The following SDK1 variants were observed in gnomAD, a reference collection of about 807,000 sequenced individuals.
The protein encoded by SDK1 is sidekick cell adhesion molecule 1.
Under a neutral mutation model 245.5 loss-of-function variants are expected in SDK1, and 157 were observed. That is an observed-to-expected ratio of 0.64 (90% CI 0.56 to 0.73). The LOEUF (loss-of-function observed/expected upper bound fraction) is 0.73, where lower values mean the gene tolerates loss of function less well. Ranked by LOEUF, SDK1 falls within the 30% of genes least tolerant of loss-of-function variation. The probability of loss-of-function intolerance (pLI) is 0.00; values close to 1 mark genes in which losing one functional copy is unlikely to be tolerated. For synonymous variants in SDK1, 1,647 were observed against 1,278.5 expected (o/e 1.29, Z -6.15); for missense variants, 3,583 against 3,002.3 (o/e 1.19, Z -4.52).
intron 1 of SDK1, among the ~76,000 whole-genome samples, chr7:3,522,836 G>A (rs998571537): frequency 2.0e-5 from 3 of 152,128 alleles, no homozygotes; most frequent in African/African-American, 4.8e-5. Context: ...GATGGGGGGT[G>A]AGGTTCGCTA....
intron 44 of SDK1, among the ~76,000 whole-genome samples, chr7:4,262,018 C>CTTTTTTTTTTTTTTTTTT: frequency 1.7e-5 from 1 of 59,252 alleles, no homozygotes; most frequent in Non-Finnish European, 2.9e-5. Flanking sequence ...CTGCTTTCTC[C>CTTTTTTTTTTTTTTTTTT]TTTTTTTTTT....
chr7:3,807,720 A>C (rs746147672), intron 4 of SDK1, among the ~76,000 whole-genome samples: 3 of 152,142 alleles, frequency 2.0e-5, no homozygotes, highest in Non-Finnish European at 4.4e-5. Context: ...GACAACCATT[A>C]AAGGACTTGA....
At chr7:3,529,350 T>C (rs1185244661) in intron 1 of SDK1, among the ~76,000 whole-genome samples, 1 of 152,180 alleles carries the variant, frequency 6.6e-6, no homozygotes, top group African/African-American at 2.4e-5. Context: ...GAAGGAATAG[T>C]TAATTCCAGG....
At chr7:3,676,617 G>A (rs1190813392) in intron 4 of SDK1, among the ~76,000 whole-genome samples, 3 of 152,162 alleles carry the variant, frequency 2.0e-5, no homozygotes, top group East Asian at 1.9e-4. Context: ...GAGCCACCAC[G>A]CCTTGCCCTC....
chr7:4,228,341 CA>C (rs1785558434), intron 40 of SDK1, among the ~76,000 whole-genome samples: 1 of 152,290 alleles, frequency 6.6e-6, no homozygotes, highest in Admixed American at 6.5e-5. Context: ...GATTTGCAGT[CA>C]CATCACCATG....
At chr7:3,674,735 G>T (rs1250938812) in intron 4 of SDK1, among the ~76,000 whole-genome samples, 2 of 152,108 alleles carry the variant, frequency 1.3e-5, no homozygotes, top group Non-Finnish European at 2.9e-5. Context: ...CAATTTTCAT[G>T]GTGTGAATAC....
At chr7:4,155,927 CAG>C (rs781193723) in intron 30 of SDK1, among the ~76,000 whole-genome samples, 8 of 152,164 alleles carry the variant, frequency 5.3e-5, no homozygotes, top group Non-Finnish European at 1.2e-4. Flanking sequence ...AGGGAAGGAA[CAG>C]GGCACGGGGG....
At chr7:3,548,147 G>A (rs1779288330) in intron 1 of SDK1, among the ~76,000 whole-genome samples, 1 of 152,176 alleles carries the variant, frequency 6.6e-6, no homozygotes, top group Non-Finnish European at 1.5e-5. Flanking sequence ...TTGTTGAAAT[G>A]CATCAGTTGA....
At position 3,550,489 on chromosome 7, in the gene SDK1, G is replaced by C. The variant is rs565601459; in HGVS notation, c.299-68591G>C. Among the ~76,000 whole-genome samples the C allele has an allele frequency of 1.6e-4, 25 of 152,236 alleles. 2 individuals are homozygous for C. The South Asian group carries it at 5.2e-3, about 32-fold the overall frequency. Reference sequence around the variant, plus strand: ...TCCCCTTTACCTTCAGCTCTTCTGGGCCACTGCTGGGTGCTCATTGCTGCT... The same window carrying C: ...TCCCCTTTACCTTCAGCTCTTCTGGCCCACTGCTGGGTGCTCATTGCTGCT... On this transcript the variant is annotated intron_variant, in intron 1 of 44. Transcript: ENST00000404826.
At chr7:3,908,343 G>T (rs796253227) in intron 5 of SDK1, among the ~76,000 whole-genome samples, 1 of 152,246 alleles carries the variant, frequency 6.6e-6, no homozygotes, top group Admixed American at 6.5e-5. Flanking sequence ...TGGGAATGAC[G>T]CCAGATCCAG....
At position 4,267,927 on chromosome 7, in the gene SDK1, A is replaced by G. The variant is rs1583213332; in HGVS notation, c.*2543A>G. 3.0e-6 allele frequency: 3 copies of G among 985,558 alleles called. No homozygotes were observed. The highest frequency in any genetic ancestry group is 1.7e-5 in the African/African-American group (1 of 57,374). 61.1% of individuals were successfully genotyped at this position (985,558 alleles called of 1,614,324 possible). A position where few individuals can be genotyped will look rare whatever the true frequency, so the allele number is the denominator to read the frequency against. On this transcript the variant is annotated 3_prime_UTR_variant, in exon 45 of 45. Transcript: ENST00000404826. Reference sequence around the variant, plus strand: ...CAAAGGAACAGAGCTGGATGTTTCCAGGTAGATTTTGGCCTCCCAGAGCAA... The same window carrying G: ...CAAAGGAACAGAGCTGGATGTTTCCGGGTAGATTTTGGCCTCCCAGAGCAA...
chr7:3,972,742 G>T (rs1445414921), intron 12 of SDK1, among the ~76,000 whole-genome samples: 1 of 152,198 alleles, frequency 6.6e-6, no homozygotes, highest in Non-Finnish European at 1.5e-5. Context: ...CGGAGACTCG[G>T]CTGTTCTCTC....
intron 4 of SDK1, among the ~76,000 whole-genome samples, chr7:3,684,901 C>T (rs1469358828): frequency 6.6e-6 from 1 of 152,038 alleles, no homozygotes; most frequent in Non-Finnish European, 1.5e-5. Flanking sequence ...GGACCGAATC[C>T]ATGAACTTGA....
At chr7:3,490,645 T>G (rs550082318) in intron 1 of SDK1, among the ~76,000 whole-genome samples, 2 of 152,332 alleles carry the variant, frequency 1.3e-5, no homozygotes, top group East Asian at 3.9e-4. Context: ...ACCTGCATGC[T>G]TAAACAGACT....
At chr7:4,016,819 T>C (rs1184852012) in intron 16 of SDK1, among the ~76,000 whole-genome samples, 1 of 152,142 alleles carries the variant, frequency 6.6e-6, no homozygotes, top group African/African-American at 2.4e-5. Context: ...GAGGAAAGTG[T>C]TTCTCAAACT....
rs145136234 is a variant in SDK1, at chr7:3,440,969, A to G, written c.298+139085A>G. On this transcript the variant is annotated intron_variant, in intron 1 of 44. Transcript: ENST00000404826. ...GGGATCCCTTGAAATGAGTTACACC[A>G]AGTGAGGGATAGTTACACAGATTCA... is the stretch of plus-strand genomic sequence containing the variant. Among the ~76,000 whole-genome samples the G allele has an allele frequency of 1.2e-3, 183 of 152,304 alleles. 2 individuals are homozygous for G. Among genetic ancestry groups the G allele is most frequent in the African/African-American group, 4.3e-3 (178 of 41,568 alleles).
At chr7:3,583,539 A>T (rs570089441) in intron 1 of SDK1, among the ~76,000 whole-genome samples, 18 of 152,316 alleles carry the variant, frequency 1.2e-4, no homozygotes, top group African/African-American at 4.3e-4. Flanking sequence ...AGTTCATAGC[A>T]CTGATTTCTT....
intron 5 of SDK1, among the ~76,000 whole-genome samples, chr7:3,945,154 A>G (rs1372938327): frequency 6.6e-6 from 1 of 152,178 alleles, no homozygotes; most frequent in Non-Finnish European, 1.5e-5. Flanking sequence ...AACCCCTCAA[A>G]CTGTAAGCAG....
At chr7:3,927,049 A>G (rs563537023) in intron 5 of SDK1, among the ~76,000 whole-genome samples, 42 of 152,200 alleles carry the variant, frequency 2.8e-4, no homozygotes, top group African/African-American at 8.9e-4. Flanking sequence ...TGAACTGTCC[A>G]CCAGTGGGGT....
Sources: gnomAD v4.1 joint callset for allele counts (sites outside exome capture counted in the v4.1 genomes callset) on GRCh38, gnomAD v4.1.1 for gene constraint, MANE v1.5 for transcripts, NCBI Gene and HGNC (gene_info 2026-07-23, HGNC 2026-07-21) for gene names.